Variants in GBF1 observed in about 807,000 individuals in gnomAD.
GBF1 encodes Golgi-specific brefeldin A-resistance guanine nucleotide exchange factor 1.
Under a neutral mutation model 210.5 loss-of-function variants are expected in GBF1, and 114 were observed. The observed-to-expected ratio is 0.54, with a 90% confidence interval of 0.47 to 0.63. GBF1 has a LOEUF of 0.63. Ranked by LOEUF, GBF1 falls within the 30% of genes least tolerant of loss-of-function variation. The pLI, the probability that GBF1 is intolerant of heterozygous loss-of-function variation, is 0.00. For synonymous variants in GBF1, 850 were observed against 889.2 expected (o/e 0.96, Z 0.78); for missense variants, 1,851 against 2,357.7 (o/e 0.79, Z 4.45).
intron 35 of GBF1, 49 bp downstream of exon 35, chr10:102,379,700 G>A (rs373795054): frequency 1.2e-6 from 2 of 1,608,996 alleles, no homozygotes; most frequent in African/African-American, 2.7e-5. Context: ...CTAAGAAAAG[G>A]AAAGCCAGGC....
rs772537366 is a variant in GBF1 at position 102,376,681 on chromosome 10, T to C, written c.4169T>C (p.Leu1390Pro). 2.5e-6 allele frequency: 4 copies of C among 1,613,946 alleles called. No individual in the cohort carries two copies. The South Asian group carries it at 4.4e-5, about 18-fold the overall frequency. The change falls in exon 32 of 40, where the codon CTG becomes CCG. Residue 1390 changes from leucine to proline, a missense_variant. By Grantham distance (98) the Leu-to-Pro change is moderately conservative (BLOSUM62 -3). Transcript: ENST00000369983. ...TTGGGGCCACACGACACTAAGTCTCTGCTTAAGTGTGTGGAATCGCTGTCC... is the reference window on the plus strand; with the variant it reads ...TTGGGGCCACACGACACTAAGTCTCCGCTTAAGTGTGTGGAATCGCTGTCC... ...LDLGPHDTKSLLKCVESLSFI... is the reference protein window; with the variant it reads ...LDLGPHDTKSPLKCVESLSFI...
chr10:102,352,018 C>T, intron 6 of GBF1, 67 bp downstream of exon 6: 1 of 885,094 alleles, frequency 1.1e-6, no homozygotes, highest in Non-Finnish European at 1.9e-6. Flanking sequence ...ATACAGGAGG[C>T]TGTCTTCCCA....
chr10:102,256,201 T>C (rs1290139331), intron 1 of GBF1, among the ~76,000 whole-genome samples: 2 of 152,158 alleles, frequency 1.3e-5, no homozygotes, highest in Non-Finnish European at 2.9e-5. Context: ...CACCTCAGCC[T>C]TCCAAAGTGT....
intron 3 of GBF1, among the ~76,000 whole-genome samples, chr10:102,276,902 T>C (rs2075030206): frequency 6.6e-6 from 1 of 152,186 alleles, no homozygotes; most frequent in Admixed American, 6.5e-5. Flanking sequence ...AATTTTTATT[T>C]TGAAATAATT....
intron 3 of GBF1, among the ~76,000 whole-genome samples, chr10:102,328,910 A>G (rs2057115422): frequency 6.6e-6 from 1 of 152,232 alleles, no homozygotes; most frequent in Non-Finnish European, 1.5e-5. Context: ...AGGAATTTGT[A>G]TTGAAAAAGC....
upstream of GBF1, among the ~76,000 whole-genome samples, chr10:102,242,719 G>A (rs2070569496): frequency 6.6e-6 from 1 of 152,036 alleles, no homozygotes; most frequent in African/African-American, 2.4e-5. Flanking sequence ...ACAAGGTCAG[G>A]AGATTGAGAC....
At chr10:102,282,801 T>C (rs1056059340) in intron 3 of GBF1, among the ~76,000 whole-genome samples, 5 of 152,178 alleles carry the variant, frequency 3.3e-5, no homozygotes, top group African/African-American at 1.2e-4. Flanking sequence ...AACATGAGTT[T>C]TTAAATTCCA....
chr10:102,273,389 A>G (rs2074625552), intron 3 of GBF1, among the ~76,000 whole-genome samples: 1 of 152,248 alleles, frequency 6.6e-6, no homozygotes, highest in African/African-American at 2.4e-5. Flanking sequence ...TATCATACTT[A>G]AGAAAGATAA....
At position 102,375,430 on chromosome 10, in the gene GBF1, G is replaced by T; in HGVS notation, c.3732G>T (p.Ala1244=). Residue 1244 remains alanine (A), a synonymous_variant, in exon 30 of 40, where the codon GCG becomes GCT. Transcript: ENST00000369983. ...TATCCCGAGTCAGCCACCAGGTTGC[G>T]TATGGGCTCCATGAACTCCTGAAGA... is the stretch of plus-strand genomic sequence containing the variant. ...SVLSRVSHQV[A]YGLHELLKTN... 6.2e-7 allele frequency: 1 copy of T among 1,613,804 alleles called. No individual in the cohort carries two copies.
chr10:102,349,393 G>A (rs892395363), intron 4 of GBF1, among the ~76,000 whole-genome samples: 1 of 151,888 alleles, frequency 6.6e-6, no homozygotes, highest in South Asian at 2.1e-4. Flanking sequence ...ATTGCTGGGT[G>A]TGGTGGCAGG....
At chr10:102,344,638 G>A (rs989895313) in intron 4 of GBF1, among the ~76,000 whole-genome samples, 2 of 151,746 alleles carry the variant, frequency 1.3e-5, no homozygotes, top group Non-Finnish European at 2.9e-5. Context: ...CCACCACCAC[G>A]CCCAGCTAAT....
chr10:102,364,019 G>A (rs974027376), intron 17 of GBF1, among the ~76,000 whole-genome samples: 1 of 152,062 alleles, frequency 6.6e-6, no homozygotes, highest in Non-Finnish European at 1.5e-5. Context: ...CTGCGCAAAT[G>A]CTGTACCAGT....
At chr10:102,259,108 A>T (rs1312407889) in intron 2 of GBF1, 74 bp downstream of exon 2, 1 of 804,354 alleles carries the variant, frequency 1.2e-6, no homozygotes, top group Non-Finnish European at 2.2e-6. Context: ...TAAAAGAGTA[A>T]TCAAATTCCT....
chr10:102,371,535 A>C (rs2060204486), intron 29 of GBF1, among the ~76,000 whole-genome samples: 1 of 152,230 alleles, frequency 6.6e-6, no homozygotes, highest in South Asian at 2.1e-4. Flanking sequence ...CTCCTATAAA[A>C]ATCCCAGAAA....
chr10:102,373,135 A>G (rs2060302006), intron 29 of GBF1, among the ~76,000 whole-genome samples: 1 of 152,246 alleles, frequency 6.6e-6, no homozygotes, highest in Non-Finnish European at 1.5e-5. Flanking sequence ...TATCTGTAAT[A>G]TAAAAACTCT....
chr10:102,343,608 C>T (rs1254060101), intron 3 of GBF1, among the ~76,000 whole-genome samples: 1 of 151,968 alleles, frequency 6.6e-6, no homozygotes, highest in Non-Finnish European at 1.5e-5. Context: ...TGCTTGAGCT[C>T]AGGAGTTCGA....
At chr10:102,362,023 T>C (rs898703879) in intron 14 of GBF1, 111 bp downstream of exon 14, 104 of 467,600 alleles carry the variant, frequency 2.2e-4, no homozygotes, top group Middle Eastern at 6.5e-4. Context: ...AGCTGGGAAA[T>C]AGAAGAAAGG....
At chr10:102,258,228 T>C (rs111572288) in intron 1 of GBF1, among the ~76,000 whole-genome samples, 1,779 of 147,376 alleles carry the variant, frequency 0.012, 31 homozygotes, top group African/African-American at 0.043. Context: ...CGATCTTGGC[T>C]CACACAACCT....
intron 3 of GBF1, among the ~76,000 whole-genome samples, chr10:102,329,523 G>A (rs2057165138): frequency 2.0e-5 from 3 of 152,088 alleles, no homozygotes; most frequent in Admixed American, 2.0e-4. Context: ...GAGTGCAGTG[G>A]CACAATCTCG....
Sources: allele counts gnomAD v4.1 joint callset (sites outside exome capture counted in the v4.1 genomes callset), GRCh38; gene constraint gnomAD v4.1.1; transcripts MANE v1.5; gene names NCBI Gene and HGNC (gene_info 2026-07-23, HGNC 2026-07-21).